Variants in PCDH11X observed in about 807,000 individuals in gnomAD.
The protein encoded by PCDH11X is protocadherin 11 X-linked, also known as protocadherin-11 X-linked.
PCDH11X carries 18 observed loss-of-function variants against 53.3 expected under a neutral mutation model. That is an observed-to-expected ratio of 0.34 (90% CI 0.23 to 0.50). The LOEUF (loss-of-function observed/expected upper bound fraction) is 0.50, where lower values mean the gene tolerates loss of function less well. Ranked by LOEUF, PCDH11X falls within the 20% of genes least tolerant of loss-of-function variation. The probability of loss-of-function intolerance (pLI) is 0.98; values close to 1 mark genes in which losing one functional copy is unlikely to be tolerated. For missense variants in PCDH11X, 570 were observed against 1,032.4 expected, an observed-to-expected ratio of 0.55 and a Z score of 6.14; for synonymous variants, 279 against 393.3, an observed-to-expected ratio of 0.71 and a Z score of 3.44.
chrX:92,272,315 G>A (rs1002580490), intron 8 of PCDH11X, among the ~76,000 whole-genome samples: 3 of 111,537 alleles, frequency 2.7e-5, no homozygotes, highest in African/African-American at 3.3e-5. Flanking sequence ...GTTTTCTTGT[G>A]TTCATTTACT....
chrX:92,195,013 G>A, intron 6 of PCDH11X, among the ~76,000 whole-genome samples: 1 of 111,492 alleles, frequency 9.0e-6, no homozygotes, highest in East Asian at 2.8e-4. Flanking sequence ...CAGTTTAGCT[G>A]AGATTTAAGG....
intron 6 of PCDH11X, among the ~76,000 whole-genome samples, chrX:92,161,087 A>G (rs1376662874): frequency 2.7e-5 from 3 of 110,575 alleles, no homozygotes; most frequent in African/African-American, 9.9e-5. Flanking sequence ...TTGTATGTAT[A>G]GATTGTGAAG....
intron 6 of PCDH11X, among the ~76,000 whole-genome samples, chrX:91,954,032 A>G (rs2061678056): frequency 9.1e-6 from 1 of 110,382 alleles, no homozygotes; most frequent in Non-Finnish European, 1.9e-5. Flanking sequence ...AACGTGTCCC[A>G]TGGTGGTTTG....
chrX:92,162,336 T>C (rs1357764860), intron 6 of PCDH11X, among the ~76,000 whole-genome samples: 1 of 109,231 alleles, frequency 9.2e-6, no homozygotes, highest in Non-Finnish European at 1.9e-5. Flanking sequence ...GGATTACAGG[T>C]GTGCACCACC....
chrX:92,273,405 G>A (rs2071139584), intron 8 of PCDH11X, among the ~76,000 whole-genome samples: 2 of 111,297 alleles, frequency 1.8e-5, no homozygotes, highest in African/African-American at 3.3e-5. Context: ...GTTAAGGCGG[G>A]GCAGGGCCTT....
intron 10 of PCDH11X, among the ~76,000 whole-genome samples, chrX:92,588,563 G>A (rs1340398072): frequency 9.2e-6 from 1 of 108,930 alleles, no homozygotes; most frequent in African/African-American, 3.3e-5. Context: ...AAATAGAAGA[G>A]AGAATTAGTG....
At chrX:91,825,217 C>A (rs13362941) in intron 4 of PCDH11X, among the ~76,000 whole-genome samples, 10,122 of 107,450 alleles carry the variant, frequency 0.094, 1,752 homozygotes, top group African/African-American at 0.35. Flanking sequence ...TTGGAGCTTC[C>A]GGGCTGCTTT....
intron 6 of PCDH11X, among the ~76,000 whole-genome samples, chrX:92,027,329 A>T (rs1247975903): frequency 9.0e-6 from 1 of 111,536 alleles, no homozygotes; most frequent in Non-Finnish European, 1.9e-5. Flanking sequence ...CCTAGTTGGG[A>T]TCTAAATGCG....
rs1936359352 is a variant in PCDH11X at position 91,813,616 on chromosome X, A to T, written c.-45+2321A>T. On this transcript the variant is annotated intron_variant, in intron 4 of 10. Coordinates refer to ENST00000682573, the MANE Select transcript of PCDH11X (RefSeq NM_032968.5). ...CAGAGTTTAGATTCTATAGATTTCG[A>T]AAGGTAATAAACATAGTTTTTTTGC... is the stretch of plus-strand genomic sequence containing the variant. 2.8e-5 allele frequency among the ~76,000 whole-genome samples: 3 copies of T among 107,398 alleles called. No individual in the cohort carries two copies. In the Admixed American group the frequency reaches 3.0e-4, roughly 11 times the overall value. 93.3% of individuals were successfully genotyped at this position (107,398 alleles called of 115,157 possible).
In PCDH11X at chrX:92,575,936, T is replaced by TACACACACAC. The variant is rs1462543427; in HGVS notation, c.3368-42327_3368-42326insCACACACACA. Among the ~76,000 whole-genome samples, 219 of 26,197 alleles carry TACACACACAC rather than the reference T, an allele frequency of 8.4e-3. 7 individuals are homozygous for TACACACACAC. The highest frequency in any genetic ancestry group is 0.012 in the Non-Finnish European group (177 of 15,232). The allele number at this position is 26,197 out of a possible 115,157, so 22.7% of individuals were successfully genotyped here. A position where few individuals can be genotyped will look rare whatever the true frequency, so the allele number is the denominator to read the frequency against. ...ATATATATATATATATATATATATA[T>TACACACACAC]ATATATATACACACACACACACACA... On this transcript the variant is annotated intron_variant, in intron 10 of 10. Transcript: ENST00000682573.
intron 8 of PCDH11X, among the ~76,000 whole-genome samples, chrX:92,298,213 A>G (rs1195289899): frequency 8.5e-4 from 94 of 111,232 alleles, no homozygotes; most frequent in Non-Finnish European, 1.4e-3. Flanking sequence ...AGAGAGCATT[A>G]TTGTCTTGTT....
intron 8 of PCDH11X, among the ~76,000 whole-genome samples, chrX:92,305,789 C>T (rs1055589782): frequency 4.5e-5 from 5 of 111,040 alleles, no homozygotes; most frequent in African/African-American, 1.6e-4. Flanking sequence ...GACAGAGGTA[C>T]ATTCAAACTA....
chrX:92,460,120 C>T, intron 9 of PCDH11X: 3 of 1,069,986 alleles, frequency 2.8e-6, no homozygotes, highest in Admixed American at 2.2e-5. Context: ...CATCGTTCTG[C>T]ATATTGACAA....
rs757873528 is a variant in PCDH11X at position 92,252,374 on chromosome X, T to TACACAC, written c.3115-10721_3115-10716dup. 8.7e-3 allele frequency among the ~76,000 whole-genome samples: 906 copies of TACACAC among 104,598 alleles called. 12 individuals are homozygous for TACACAC. Among genetic ancestry groups the TACACAC allele is most frequent in the African/African-American group, 0.03 (862 of 28,297 alleles). The allele number at this position is 104,598 out of a possible 115,157, so 90.8% of individuals were successfully genotyped here. ...TTCACAAGCTTCTAGTTTGTCATGT[T>TACACAC]ACACACACACACACACACACACACG... On this transcript the variant is annotated intron_variant, in intron 7 of 10. Transcript: ENST00000682573.
At chrX:91,839,930 C>T (rs1389824102) in intron 5 of PCDH11X, among the ~76,000 whole-genome samples, 3 of 111,898 alleles carry the variant, frequency 2.7e-5, no homozygotes, top group African/African-American at 6.5e-5. Context: ...TCACACACAT[C>T]GTACTACACA....
chrX:92,170,143 C>G, intron 6 of PCDH11X, among the ~76,000 whole-genome samples: 1 of 110,409 alleles, frequency 9.1e-6, no homozygotes, highest in Non-Finnish European at 1.9e-5. Context: ...GCCTACAAAC[C>G]CCCTCAAATT....
chrX:91,921,553 A>T (rs1433256330), intron 6 of PCDH11X, among the ~76,000 whole-genome samples: 1 of 107,694 alleles, frequency 9.3e-6, no homozygotes, highest in Non-Finnish European at 1.9e-5. Flanking sequence ...ATATAGTTAG[A>T]ATCATACAGT....
intron 6 of PCDH11X, among the ~76,000 whole-genome samples, chrX:92,066,134 G>A (rs2063604257): frequency 1.1e-5 from 1 of 89,463 alleles, no homozygotes; most frequent in African/African-American, 4.1e-5. Context: ...GTATGTTCTT[G>A]GTACCTTTGT....
At chrX:91,906,052 G>T (rs1219983088) in intron 6 of PCDH11X, among the ~76,000 whole-genome samples, 7 of 110,371 alleles carry the variant, frequency 6.3e-5, no homozygotes, top group Non-Finnish European at 1.1e-4. Flanking sequence ...GTACATATAA[G>T]ATCTTTACGT....
Sources: gnomAD v4.1 joint callset for allele counts (sites outside exome capture counted in the v4.1 genomes callset) on GRCh38, gnomAD v4.1.1 for gene constraint, MANE v1.5 for transcripts, NCBI Gene and HGNC (gene_info 2026-07-23, HGNC 2026-07-21) for gene names.